Variants in ACTR3C observed in about 807,000 individuals in gnomAD.
ACTR3C encodes actin related protein 3C, also known as actin-related protein 3C.
ACTR3C carries 18 observed loss-of-function variants against 26.3 expected under a neutral mutation model. That is an observed-to-expected ratio of 0.68 (90% CI 0.47 to 1.01). The LOEUF is 1.01. Ranked by LOEUF, ACTR3C falls within the 50% of genes least tolerant of loss-of-function variation. The probability of loss-of-function intolerance (pLI) is 0.00; values close to 1 mark genes in which losing one functional copy is unlikely to be tolerated. For synonymous variants in ACTR3C, 55 were observed against 94.5 expected (o/e 0.58, Z 2.42); for missense variants, 184 against 250.7 (o/e 0.73, Z 1.80).
At chr7:149,989,983 T>C in the ACTR3C span, among the ~76,000 whole-genome samples, 2 of 152,148 alleles carry the variant, frequency 1.3e-5, no homozygotes, top group African/African-American at 4.8e-5. Context: ...ATCCATTCTC[T>C]GCACTCCCCT....
the ACTR3C span, among the ~76,000 whole-genome samples, chr7:150,111,843 G>T: frequency 6.8e-6 from 1 of 147,468 alleles, no homozygotes; most frequent in Non-Finnish European, 1.5e-5. Flanking sequence ...TTTTCTGCGC[G>T]GAGAAATCCC....
chr7:150,162,333 AT>A, the ACTR3C span, among the ~76,000 whole-genome samples: 48 of 151,040 alleles, frequency 3.2e-4, no homozygotes, highest in Non-Finnish European at 5.6e-4. Flanking sequence ...TGCAAAAGTA[AT>A]TTTTTTTTTG....
At chr7:150,094,543 G>A in the ACTR3C span, among the ~76,000 whole-genome samples, 6 of 150,456 alleles carry the variant, frequency 4.0e-5, no homozygotes, top group Non-Finnish European at 7.4e-5. Context: ...CCAGTTCCCC[G>A]TAACTGTACC....
the ACTR3C span, among the ~76,000 whole-genome samples, chr7:150,031,671 T>C: frequency 6.6e-6 from 1 of 152,072 alleles, no homozygotes; most frequent in Non-Finnish European, 1.5e-5. Flanking sequence ...TGGTCCTAAT[T>C]TGTGCCTTTT....
chr7:149,929,491 G>A, the ACTR3C span, among the ~76,000 whole-genome samples: 1 of 135,966 alleles, frequency 7.4e-6, no homozygotes, highest in Admixed American at 7.4e-5. Flanking sequence ...GAAAGTTGAA[G>A]AATAGAGTAC....
At chr7:150,050,500 T>A in the ACTR3C span, among the ~76,000 whole-genome samples, 8 of 152,208 alleles carry the variant, frequency 5.3e-5, no homozygotes, top group African/African-American at 1.7e-4. Flanking sequence ...TGCTTAAAAT[T>A]ATAAAATGAA....
the ACTR3C span, among the ~76,000 whole-genome samples, chr7:150,159,048 C>CACA: frequency 0.68 from 101,516 of 149,256 alleles, 34,810 homozygotes; most frequent in East Asian, 0.82. Context: ...AGGCACACAC[C>CACA]GTGGCAACAA....
At chr7:150,016,373 G>C in the ACTR3C span, among the ~76,000 whole-genome samples, 12 of 152,080 alleles carry the variant, frequency 7.9e-5, no homozygotes, top group Admixed American at 7.2e-4. Flanking sequence ...TACATAAAGA[G>C]AGCAGAAGGT....
chr7:150,275,914 G>A (rs1275397907), intron 6 of ACTR3C, among the ~76,000 whole-genome samples: 1 of 152,062 alleles, frequency 6.6e-6, no homozygotes, highest in East Asian at 1.9e-4. Context: ...GGCACACCTT[G>A]CTTCCCACCC....
chr7:150,124,127 G>A, the ACTR3C span, among the ~76,000 whole-genome samples: 6 of 152,104 alleles, frequency 3.9e-5, no homozygotes. Flanking sequence ...AGGCAGGTGA[G>A]CTTTTGAAAA....
chr7:149,886,859 G>A, the ACTR3C span, among the ~76,000 whole-genome samples: 11 of 151,964 alleles, frequency 7.2e-5, no homozygotes, highest in East Asian at 1.7e-3. Context: ...ACTCAGGAAG[G>A]CGAGGTAGGG....
At position 150,249,072 on chromosome 7, in the gene ACTR3C, C is replaced by G. The variant is rs1000830128; in HGVS notation, c.565-18G>C. 4.8e-5 allele frequency: 32 copies of G among 661,982 alleles called. No homozygotes were observed. Among genetic ancestry groups the G allele is most frequent in the Non-Finnish European group, 8.2e-5 (30 of 366,628 alleles). 41.0% of individuals were successfully genotyped at this position (661,982 alleles called of 1,614,324 possible). A position where few individuals can be genotyped will look rare whatever the true frequency, so the allele number is the denominator to read the frequency against. On this transcript the variant is annotated intron_variant, in intron 6 of 7. Transcript: ENST00000683684. ...TGTTCCATCTGAAAAACAGAGAAAA[C>G]AGTTATAGGGCAGCAGAGTCTCATG...
the ACTR3C span, among the ~76,000 whole-genome samples, chr7:150,133,423 C>T: frequency 1.9e-4 from 29 of 152,218 alleles, no homozygotes; most frequent in East Asian, 1.7e-3. Flanking sequence ...GTTCATGCTC[C>T]GGCCTCTTTT....
At chr7:150,017,834 G>C in the ACTR3C span, among the ~76,000 whole-genome samples, 2 of 150,232 alleles carry the variant, frequency 1.3e-5, 1 homozygote, top group African/African-American at 5.0e-5. Flanking sequence ...CCTCTCGTTT[G>C]ACCATTCTTG....
chr7:150,227,688 G>GTGTTTTTTTTT, the ACTR3C span, among the ~76,000 whole-genome samples: 49 of 111,370 alleles, frequency 4.4e-4, 3 homozygotes, highest in Middle Eastern at 5.1e-3. Flanking sequence ...TTGTGTCTGG[G>GTGTTTTTTTTT]TTTTTTTTTT....
chr7:150,040,452 G>T, the ACTR3C span: 1 of 147,950 alleles, frequency 6.8e-6, no homozygotes, highest in Non-Finnish European at 1.5e-5. Flanking sequence ...AAAGTTTCCG[G>T]GTCCCCGCCC....
chr7:150,086,063 G>A, the ACTR3C span, among the ~76,000 whole-genome samples: 4 of 151,294 alleles, frequency 2.6e-5, no homozygotes, highest in South Asian at 2.1e-4. Context: ...TACAACCTCC[G>A]TCTCCCAGGT....
intron 6 of ACTR3C, among the ~76,000 whole-genome samples, chr7:150,272,037 T>G (rs1185387473): frequency 6.9e-6 from 1 of 144,740 alleles, no homozygotes; most frequent in Admixed American, 6.7e-5. Flanking sequence ...AGCATCCCTT[T>G]CCTGGTGCTT....
chr7:150,188,107 G>A, the ACTR3C span, among the ~76,000 whole-genome samples: 173 of 151,492 alleles, frequency 1.1e-3, no homozygotes, highest in African/African-American at 4.1e-3. Context: ...CTTCCCCAAG[G>A]TACCCTAGTT....
Sources: allele counts gnomAD v4.1 joint callset (sites outside exome capture counted in the v4.1 genomes callset), GRCh38; gene constraint gnomAD v4.1.1; transcripts MANE v1.5; gene names NCBI Gene and HGNC (gene_info 2026-07-23, HGNC 2026-07-21).